HECTD4: variants seen among roughly 807,000 people sequenced by gnomAD.
HECTD4 encodes the protein probable E3 ubiquitin-protein ligase HECTD4.
Under a neutral mutation model 471.5 loss-of-function variants are expected in HECTD4, and 114 were observed. That is an observed-to-expected ratio of 0.24 (90% CI 0.21 to 0.28). HECTD4 has a LOEUF of 0.28. Among genes scored for constraint, HECTD4 ranks in the 10% least tolerant of loss-of-function variants. The pLI, the probability that HECTD4 is intolerant of heterozygous loss-of-function variation, is 1.00. For synonymous variants in HECTD4, 2,012 were observed against 2,256.0 expected, an observed-to-expected ratio of 0.89 and a Z score of 3.07; for missense variants, 3,866 against 5,651.5, an observed-to-expected ratio of 0.68 and a Z score of 10.13.
chr12:112,273,766 G>A lies in HECTD4; in HGVS notation c.1831C>T (p.Leu611=). The A allele has an allele frequency of 6.2e-7, 1 of 1,613,918 alleles. No individual in the cohort carries two copies. The highest frequency in any genetic ancestry group is 1.1e-5 in the South Asian group (1 of 91,072). ...GACYDTVNNM[L]WTCSNDYIDQ... ...ATATAGTCATTTGAGCATGTCCATA[G>A]CATGTTGTTCACTGTGTCATAACAC... is the stretch of plus-strand genomic sequence containing the variant. The change falls in exon 11 of 76, where the codon CTA becomes TTA. Residue 611 remains leucine (L), a synonymous_variant. Coordinates refer to ENST00000682272, the MANE Select transcript of HECTD4 (RefSeq NM_001388303.1).
intron 54 of HECTD4, among the ~76,000 whole-genome samples, chr12:112,202,698 C>T (rs1284603137): frequency 2.0e-5 from 3 of 152,152 alleles, no homozygotes; most frequent in Non-Finnish European, 4.4e-5. Flanking sequence ...TTCTCAAATA[C>T]AAGGATGGGC....
chr12:112,365,772 G>GTTTTTTTTTT (rs5800943), intron 1 of HECTD4, among the ~76,000 whole-genome samples: 4 of 91,964 alleles, frequency 4.3e-5, no homozygotes, highest in Admixed American at 1.3e-4. Flanking sequence ...TTTTTTTTTT[G>GTTTTTTTTTT]TTTTTTTTTT....
At chr12:112,380,920 C>T (rs1479674528) in intron 1 of HECTD4, among the ~76,000 whole-genome samples, 1 of 152,126 alleles carries the variant, frequency 6.6e-6, no homozygotes, top group East Asian at 1.9e-4. Context: ...CACAAAAGAT[C>T]CCTCGCATGC....
chr12:112,232,481 T>C (rs2033406109), intron 38 of HECTD4, among the ~76,000 whole-genome samples: 1 of 152,194 alleles, frequency 6.6e-6, no homozygotes, highest in Admixed American at 6.5e-5. Context: ...TGTGTGTCTC[T>C]CCCTGGACAC....
intron 1 of HECTD4, among the ~76,000 whole-genome samples, chr12:112,371,747 G>A (rs752654331): frequency 1.3e-5 from 2 of 151,672 alleles, no homozygotes; most frequent in South Asian, 2.1e-4. Flanking sequence ...TGAGCTGGGC[G>A]TGGAGGCGGG....
Position 112,228,265 on chromosome 12 carries a change from G to C in HECTD4, c.6685-7C>G. On this transcript the variant is annotated splice_region_variant and splice_polypyrimidine_tract_variant and intron_variant, in intron 42 of 75. Transcript: ENST00000682272. The surrounding 1 kb of genome is among the most constrained non-coding windows in gnomAD (Gnocchi z 4.9). ...GTTTATGAAGAGGCAATGCCTGATG[G>C]CGGTGGGGGGGCATGGCAAAAAGTT... 1.3e-6 allele frequency: 2 copies of C among 1,565,608 alleles called. No individual in the cohort carries two copies. The highest frequency in any genetic ancestry group is 1.7e-6 in the Non-Finnish European group (2 of 1,158,898).
rs1187739077 is a variant in HECTD4, at chr12:112,283,446, C to CTAT, written c.1336-147_1336-145dup. On this transcript the variant is annotated intron_variant, in intron 7 of 75. Coordinates refer to ENST00000682272, the MANE Select transcript of HECTD4 (RefSeq NM_001388303.1). ...ATGTATACCTTAAAACTTAAATGTG[C>CTAT]TATAGAAACTACTACAAACAAAAGA... is the stretch of plus-strand genomic sequence containing the variant. The CTAT allele has an allele frequency of 8.3e-6, 5 of 599,486 alleles. No individual in the cohort carries two copies. The Admixed American group carries it at 1.5e-4, about 18-fold the overall frequency. 37.1% of individuals were successfully genotyped at this position (599,486 alleles called of 1,614,324 possible).
At chr12:112,271,445 A>G (rs1436828918) in intron 11 of HECTD4, among the ~76,000 whole-genome samples, 1 of 152,234 alleles carries the variant, frequency 6.6e-6, no homozygotes, top group East Asian at 1.9e-4. Context: ...TTTTAATATC[A>G]CTAGTAATAA....
chr12:112,254,528 A>G (rs1471058368), intron 21 of HECTD4, among the ~76,000 whole-genome samples: 1 of 152,246 alleles, frequency 6.6e-6, no homozygotes, highest in African/African-American at 2.4e-5. Context: ...TAACTCATTA[A>G]TAACAGTTTG....
At position 112,228,255 on chromosome 12, in the gene HECTD4, A is replaced by G. The variant is rs2033290975; in HGVS notation, c.6688T>C (p.Leu2230=). The G allele has an allele frequency of 6.3e-7, 1 of 1,586,898 alleles. No homozygotes were observed. Among genetic ancestry groups the G allele is most frequent in the Admixed American group, 1.8e-5 (1 of 54,076 alleles). The part of the protein sequence containing the change: ...SRLCVPRSEA[L]PLHKLSITEK... ...GTAATGGACAGTTTATGAAGAGGCA[A>G]TGCCTGATGGCGGTGGGGGGGCATG... Residue 2230 remains leucine, a synonymous_variant, in exon 43 of 76, where the codon TTG becomes CTG. Transcript: ENST00000682272. This position sits in a 1 kb window ranked among gnomAD's most constrained non-coding sequence, Gnocchi z 4.9.
chr12:112,177,375 C>CTTTTTT (rs1170542769), intron 64 of HECTD4, among the ~76,000 whole-genome samples: 2 of 143,466 alleles, frequency 1.4e-5, no homozygotes, highest in African/African-American at 2.7e-5. Context: ...TGTTATGAGG[C>CTTTTTT]TATTTTTTTT....
chr12:112,230,850 A>G, intron 39 of HECTD4, 28 bp from the exon 40 acceptor site: 1 of 1,599,698 alleles, frequency 6.3e-7, no homozygotes, highest in Non-Finnish European at 8.5e-7. Context: ...AAAAAGTGTC[A>G]GTGCCCAGTG....
chr12:112,212,147 C>T (rs1430651718), intron 49 of HECTD4, among the ~76,000 whole-genome samples: 1 of 152,136 alleles, frequency 6.6e-6, no homozygotes, highest in East Asian at 1.9e-4. Flanking sequence ...TACTGAGCAA[C>T]CAAAGAGAAT....
At chr12:112,324,370 T>G (rs1204715958) in intron 1 of HECTD4, among the ~76,000 whole-genome samples, 1 of 151,810 alleles carries the variant, frequency 6.6e-6, no homozygotes, top group African/African-American at 2.4e-5. Flanking sequence ...TCTGCTTGCC[T>G]CAGCCTCCCA....
At chr12:112,361,000 AGGTAAGATC>A (rs1288369664) in intron 1 of HECTD4, among the ~76,000 whole-genome samples, 1 of 151,650 alleles carries the variant, frequency 6.6e-6, no homozygotes, top group African/African-American at 2.4e-5. Flanking sequence ...AAAAAAAAAA[AGGTAAGATC>A]AAAACAGTAT....
At chr12:112,254,285 G>T in intron 21 of HECTD4, 123 bp from the exon 22 acceptor site, 1 of 1,211,286 alleles carries the variant, frequency 8.3e-7, no homozygotes, top group Non-Finnish European at 1.1e-6. Flanking sequence ...TGTCATTATA[G>T]TATAACTAAT....
chr12:112,306,230 C>A lies in HECTD4; in HGVS notation c.1169G>T (p.Cys390Phe). ...ATTGGCTGGCATTGGCACCACCTGGCACACCTGGGCATGAAAGGGAGGAAA... is the reference window on the plus strand; with the variant it reads ...ATTGGCTGGCATTGGCACCACCTGGAACACCTGGGCATGAAAGGGAGGAAA... The part of the protein sequence containing the change: ...QVIDQNTLQV[C>F]QVVPMPANHL... The change falls in exon 7 of 76, where the codon TGC (cysteine) becomes TTC (phenylalanine). Residue 390 changes from cysteine to phenylalanine, a missense_variant. Around this residue, in one of 16 missense-constraint regions of HECTD4, gnomAD observed 440 missense variants for 636.0 expected, o/e 0.69. Coordinates refer to ENST00000682272, the MANE Select transcript of HECTD4 (RefSeq NM_001388303.1). 2 of 1,543,900 alleles carry A rather than the reference C, an allele frequency of 1.3e-6. No individual in the cohort carries two copies. The highest frequency in any genetic ancestry group is 1.3e-5 in the South Asian group (1 of 79,456).
chr12:112,177,667 A>G (rs527950095), intron 64 of HECTD4, among the ~76,000 whole-genome samples: 4 of 152,330 alleles, frequency 2.6e-5, no homozygotes, highest in Admixed American at 6.5e-5. Context: ...GGCGTGAGCC[A>G]CCGCGCCCGG....
intron 60 of HECTD4, among the ~76,000 whole-genome samples, chr12:112,189,811 T>A (rs1314843574): frequency 6.6e-6 from 1 of 151,834 alleles, no homozygotes; most frequent in Non-Finnish European, 1.5e-5. Flanking sequence ...TGGAGTGCAA[T>A]GGCGCAATCT....
Sources: allele counts gnomAD v4.1 joint callset (sites outside exome capture counted in the v4.1 genomes callset), GRCh38; gene constraint gnomAD v4.1.1; regional missense constraint gnomAD v4.1.1; non-coding constraint Gnocchi (gnomAD v3.1); transcripts MANE v1.5; gene names NCBI Gene and HGNC (gene_info 2026-07-23, HGNC 2026-07-21).